Variants in HIPK2 observed in about 807,000 individuals in gnomAD.
The protein encoded by HIPK2 is homeodomain interacting protein kinase 2.
HIPK2 carries 27 observed loss-of-function variants against 113.7 expected under a neutral mutation model. The observed-to-expected ratio is 0.24, with a 90% confidence interval of 0.17 to 0.33. The LOEUF is 0.33. Ranked by LOEUF, HIPK2 falls within the 10% of genes least tolerant of loss-of-function variation. The pLI, the probability that HIPK2 is intolerant of heterozygous loss-of-function variation, is 1.00. For synonymous variants in HIPK2, 631 were observed against 642.2 expected (o/e 0.98, Z 0.26); for missense variants, 1,257 against 1,588.0 (o/e 0.79, Z 3.54).
At chr7:139,679,732 T>G (rs945853651) in intron 2 of HIPK2, among the ~76,000 whole-genome samples, 8 of 152,208 alleles carry the variant, frequency 5.3e-5, no homozygotes, top group African/African-American at 1.9e-4. Context: ...TGTTTATTTC[T>G]TCATTTCTGC....
In HIPK2 at chr7:139,564,592, G is replaced by C. The variant is rs186411867; in HGVS notation, c.*8335C>G. ...GCCTTTCATGTTCTCTTGAGTTCAC[G>C]TGGAAAGTAATAATCCAGAGGGAAG... is the stretch of plus-strand genomic sequence containing the variant. On this transcript the variant is annotated 3_prime_UTR_variant, in exon 15 of 15. Coordinates refer to ENST00000406875, the MANE Select transcript of HIPK2 (RefSeq NM_022740.5). The C allele has an allele frequency of 1.3e-5, 2 of 152,150 alleles. No homozygotes were observed. The highest frequency in any genetic ancestry group is 2.9e-5 in the Non-Finnish European group (2 of 68,028). The allele number at this position is 152,150 out of a possible 1,614,324, so 9.4% of individuals were successfully genotyped here.
chr7:139,610,980 C>G (rs903435937), intron 9 of HIPK2, among the ~76,000 whole-genome samples: 1 of 152,238 alleles, frequency 6.6e-6, no homozygotes, highest in Admixed American at 6.5e-5. Flanking sequence ...GATATCAATT[C>G]GTTGCAAGAT....
intron 1 of HIPK2, among the ~76,000 whole-genome samples, chr7:139,724,218 T>A (rs1313703042): frequency 6.6e-6 from 1 of 152,202 alleles, no homozygotes; most frequent in Non-Finnish European, 1.5e-5. Context: ...GAACCCTGGA[T>A]GACATGGTGA....
rs1375870914 is a variant in HIPK2, at chr7:139,566,873, G to A, written c.*6054C>T. 1.3e-5 allele frequency: 2 copies of A among 152,274 alleles called. No homozygotes were observed. Among genetic ancestry groups the A allele is most frequent in the East Asian group, 1.9e-4 (1 of 5,202 alleles). 9.4% of individuals were successfully genotyped at this position (152,274 alleles called of 1,614,324 possible). On this transcript the variant is annotated 3_prime_UTR_variant, in exon 15 of 15. Coordinates refer to ENST00000406875, the MANE Select transcript of HIPK2 (RefSeq NM_022740.5). This position sits in a 1 kb window ranked among gnomAD's most constrained non-coding sequence, Gnocchi z 4.1. ...CAGAGGCTTGGGCAAGTCCAGCGGG[G>A]GGCATCGGGAAGACCCTCTCTGGTG...
chr7:139,664,083 T>C (rs896923076), intron 2 of HIPK2, among the ~76,000 whole-genome samples: 1 of 152,150 alleles, frequency 6.6e-6, no homozygotes, highest in African/African-American at 2.4e-5. Context: ...CGCTTCAGCG[T>C]CCTCCCCTCA....
At chr7:139,599,072 G>A (rs573041417) in intron 11 of HIPK2, among the ~76,000 whole-genome samples, 1 of 152,252 alleles carries the variant, frequency 6.6e-6, no homozygotes, top group African/African-American at 2.4e-5. Flanking sequence ...GCTTATATGA[G>A]GAAGCAGAAA....
chr7:139,642,976 C>T (rs755446106), intron 2 of HIPK2, among the ~76,000 whole-genome samples: 9 of 152,096 alleles, frequency 5.9e-5, no homozygotes, highest in African/African-American at 9.7e-5. Flanking sequence ...GGGACAGACA[C>T]GACACCCAAA....
chr7:139,680,496 GA>G (rs1471799370), intron 2 of HIPK2, among the ~76,000 whole-genome samples: 2 of 152,234 alleles, frequency 1.3e-5, no homozygotes, highest in Non-Finnish European at 2.9e-5. Context: ...GCTGTTTTAT[GA>G]GGGCTTTTGT....
chr7:139,728,940 CA>C (rs1795676689), intron 1 of HIPK2, among the ~76,000 whole-genome samples: 1 of 152,152 alleles, frequency 6.6e-6, no homozygotes, highest in Non-Finnish European at 1.5e-5. Flanking sequence ...TTAAGCTCTG[CA>C]TGAGTTGATG....
chr7:139,593,651 A>C (rs1036271953), intron 12 of HIPK2, among the ~76,000 whole-genome samples: 1 of 152,216 alleles, frequency 6.6e-6, no homozygotes, highest in Non-Finnish European at 1.5e-5. Flanking sequence ...GCTGAGGCTG[A>C]GCCATGTTAG....
chr7:139,712,288 G>A (rs562496229), intron 2 of HIPK2, among the ~76,000 whole-genome samples: 4 of 152,324 alleles, frequency 2.6e-5, no homozygotes, highest in African/African-American at 4.8e-5. Flanking sequence ...AGTTGGCTCC[G>A]GGGACACCAC....
chr7:139,718,808 A>G (rs1795320941), intron 1 of HIPK2, among the ~76,000 whole-genome samples: 1 of 152,164 alleles, frequency 6.6e-6, no homozygotes, highest in South Asian at 2.1e-4. Context: ...CAAAAGGAGT[A>G]ACAGCCGCAT....
intron 1 of HIPK2, among the ~76,000 whole-genome samples, chr7:139,742,204 G>A (rs2117082263): frequency 6.6e-6 from 1 of 152,338 alleles, no homozygotes; most frequent in Middle Eastern, 3.4e-3. Context: ...CTTCAAGTCT[G>A]GCTTTGTGTT....
intron 12 of HIPK2, among the ~76,000 whole-genome samples, chr7:139,590,537 A>G (rs1478960596): frequency 6.6e-6 from 1 of 152,166 alleles, no homozygotes; most frequent in Non-Finnish European, 1.5e-5. Context: ...AACTTCTTTT[A>G]CCCTTCTGAT....
At chr7:139,583,756 A>C in intron 13 of HIPK2, 61 bp downstream of exon 13, 1 of 1,569,330 alleles carries the variant, frequency 6.4e-7, no homozygotes, top group Non-Finnish European at 8.6e-7. Flanking sequence ...TTCTAGCAGC[A>C]GAAAAGCAGG....
intron 13 of HIPK2, among the ~76,000 whole-genome samples, chr7:139,579,595 A>G (rs1183215539): frequency 6.6e-6 from 1 of 151,742 alleles, no homozygotes; most frequent in East Asian, 1.9e-4. Context: ...TTGTTGATGA[A>G]GAGAGAAATG....
intron 2 of HIPK2, among the ~76,000 whole-genome samples, chr7:139,650,466 G>GTT (rs528006115): frequency 2.8e-5 from 4 of 144,354 alleles, no homozygotes; most frequent in Non-Finnish European, 3.0e-5. Context: ...TTCCCTTCGG[G>GTT]TTTTTTTTTT....
In HIPK2 at chr7:139,613,989, A is replaced by G. The variant is rs560526850; in HGVS notation, c.1990+297T>C. Reference sequence around the variant, plus strand: ...AGGAAAAGCAAGAGCTGACATCAGCATAACAATGAAAGCACAAACTATGTA... The same window carrying G: ...AGGAAAAGCAAGAGCTGACATCAGCGTAACAATGAAAGCACAAACTATGTA... On this transcript the variant is annotated intron_variant, in intron 8 of 14. Coordinates refer to ENST00000406875, the MANE Select transcript of HIPK2 (RefSeq NM_022740.5). The surrounding 1 kb of genome is among the most constrained non-coding windows in gnomAD (Gnocchi z 4.2). Among the ~76,000 whole-genome samples, 4 of 152,370 alleles carry G rather than the reference A, an allele frequency of 2.6e-5. No homozygotes were observed. The South Asian group carries it at 8.3e-4, about 32-fold the overall frequency.
intron 9 of HIPK2, among the ~76,000 whole-genome samples, chr7:139,604,654 A>C (rs1297485229): frequency 7.2e-6 from 1 of 139,240 alleles, no homozygotes; most frequent in African/African-American, 2.7e-5. Flanking sequence ...ACTGCACTCC[A>C]GCCTGGGCGA....
Sources: gnomAD v4.1 joint callset for allele counts (sites outside exome capture counted in the v4.1 genomes callset) on GRCh38, gnomAD v4.1.1 for gene constraint, Gnocchi (gnomAD v3.1) non-coding constraint, MANE v1.5 for transcripts, NCBI Gene and HGNC (gene_info 2026-07-23, HGNC 2026-07-21) for gene names.